The following HOMER1 variants were observed in gnomAD, a reference collection of about 807,000 sequenced individuals.
The protein encoded by HOMER1 is homer protein homolog 1.
Under a neutral mutation model 48.9 loss-of-function variants are expected in HOMER1, and 3 were observed. That is an observed-to-expected ratio of 0.06 (90% CI 0.03 to 0.16). HOMER1 has a LOEUF of 0.16. Among genes scored for constraint, HOMER1 ranks in the 10% least tolerant of loss-of-function variants. The pLI is 1.00. For synonymous variants in HOMER1, 134 were observed against 146.4 expected (o/e 0.92, Z 0.61); for missense variants, 247 against 411.4 (o/e 0.60, Z 3.46).
At chr5:79,491,074 G>GCAAAAAAAA (rs1752259588) in intron 1 of HOMER1, among the ~76,000 whole-genome samples, 1 of 22,562 alleles carries the variant, frequency 4.4e-5, no homozygotes, top group Non-Finnish European at 1.1e-4. Flanking sequence ...TAGTACCAAA[G>GCAAAAAAAA]CAAAAAAAAA....
intron 1 of HOMER1, among the ~76,000 whole-genome samples, chr5:79,481,851 A>G (rs1055377167): frequency 1.3e-5 from 2 of 152,242 alleles, no homozygotes; most frequent in African/African-American, 2.4e-5. Flanking sequence ...ACACAGCTTA[A>G]AAGTAAGCTT....
intron 1 of HOMER1, among the ~76,000 whole-genome samples, chr5:79,458,566 T>A (rs898287998): frequency 3.3e-5 from 5 of 152,206 alleles, no homozygotes; most frequent in African/African-American, 4.8e-5. Context: ...GACTCCTATA[T>A]CCATTTCAAC....
At chr5:79,461,385 C>T (rs1057374816) in intron 1 of HOMER1, among the ~76,000 whole-genome samples, 3 of 152,170 alleles carry the variant, frequency 2.0e-5, no homozygotes, top group South Asian at 2.1e-4. Flanking sequence ...GCTTTCTTTA[C>T]AACAATTCAC....
At chr5:79,477,642 G>A (rs571167430) in intron 1 of HOMER1, among the ~76,000 whole-genome samples, 2 of 152,316 alleles carry the variant, frequency 1.3e-5, no homozygotes, top group African/African-American at 4.8e-5. Context: ...ATTTAAAAAT[G>A]TTCATGTTTG....
intron 2 of HOMER1, among the ~76,000 whole-genome samples, chr5:79,454,442 T>A (rs999035309): frequency 2.6e-5 from 4 of 151,852 alleles, no homozygotes; most frequent in Non-Finnish European, 5.9e-5. Context: ...AATTCAAGGT[T>A]CAAATAAGGG....
intron 1 of HOMER1, among the ~76,000 whole-genome samples, chr5:79,476,902 T>C (rs1436309493): frequency 6.6e-6 from 1 of 152,238 alleles, no homozygotes; most frequent in African/African-American, 2.4e-5. Flanking sequence ...CAACGAGGCC[T>C]GTCTCTTCAG....
chr5:79,460,319 C>T (rs1415089042), intron 1 of HOMER1, among the ~76,000 whole-genome samples: 1 of 152,126 alleles, frequency 6.6e-6, no homozygotes, highest in East Asian at 1.9e-4. Context: ...TGGTGGTGCA[C>T]ACCTGTAGTC....
chr5:79,397,169 G>A (rs1337954505), intron 7 of HOMER1, among the ~76,000 whole-genome samples: 1 of 152,096 alleles, frequency 6.6e-6, no homozygotes, highest in African/African-American at 2.4e-5. Flanking sequence ...GTTGCTTCAA[G>A]CTTTGTGGAT....
intron 1 of HOMER1, among the ~76,000 whole-genome samples, chr5:79,476,494 G>C (rs535436693): frequency 1.3e-5 from 2 of 152,302 alleles, no homozygotes; most frequent in East Asian, 3.9e-4. Flanking sequence ...CCCGTTGCCA[G>C]TCTGGGTCTC....
intron 5 of HOMER1, among the ~76,000 whole-genome samples, chr5:79,422,852 G>GCCAAAAAAAAAAAAAAAAAAAGAGA (rs1750140068): frequency 7.7e-6 from 1 of 129,344 alleles, no homozygotes; most frequent in Non-Finnish European, 1.6e-5. Context: ...TTTTTGGCTA[G>GCCAAAAAAAAAAAAAAAAAAAGAGA]TCAAGTAAAA....
chr5:79,381,243 G>T (rs546858315), intron 8 of HOMER1, among the ~76,000 whole-genome samples: 14 of 152,294 alleles, frequency 9.2e-5, no homozygotes, highest in Admixed American at 7.2e-4. Context: ...TACTATTGAT[G>T]CTATTTACAG....
intron 1 of HOMER1, among the ~76,000 whole-genome samples, chr5:79,495,087 A>G (rs1449327075): frequency 6.6e-6 from 1 of 152,186 alleles, no homozygotes; most frequent in East Asian, 1.9e-4. Flanking sequence ...TAACACAAAG[A>G]ATACATGTAA....
rs1243114347 is a variant in HOMER1, at chr5:79,451,107, A to G, written c.177T>C (p.Ser59=). Residue 59 remains serine, a synonymous_variant, in exon 3 of 9, where the codon AGT becomes AGC. Transcript: ENST00000334082. ...TAAATGTCATGTTTGGGGTGATGGT[A>G]CTATTTATTATTGCCTAAAAAATAA... is the stretch of plus-strand genomic sequence containing the variant. ...SLDGSKAIIN[S]TITPNMTFTK... 4 of 1,613,370 alleles carry G rather than the reference A, an allele frequency of 2.5e-6. No homozygotes were observed. Among genetic ancestry groups the G allele is most frequent in the Non-Finnish European group, 3.4e-6 (4 of 1,179,506 alleles).
chr5:79,430,950 T>A (rs1400422282), intron 5 of HOMER1, among the ~76,000 whole-genome samples: 1 of 151,048 alleles, frequency 6.6e-6, no homozygotes, highest in Non-Finnish European at 1.5e-5. Context: ...AAAAAATAAA[T>A]AAAACATGGT....
chr5:79,419,869 T>C (rs1347574055), intron 5 of HOMER1, among the ~76,000 whole-genome samples: 1 of 142,938 alleles, frequency 7.0e-6, no homozygotes, highest in East Asian at 2.4e-4. Context: ...AACACGGAAG[T>C]ACCTCTTCCT....
At chr5:79,405,237 C>T (rs537292069) in intron 5 of HOMER1, among the ~76,000 whole-genome samples, 1 of 152,162 alleles carries the variant, frequency 6.6e-6, no homozygotes, top group Admixed American at 6.5e-5. Flanking sequence ...TAAAAAGAGA[C>T]GACAGCCATC....
At chr5:79,436,514 C>G (rs1750589200) in intron 5 of HOMER1, among the ~76,000 whole-genome samples, 1 of 152,248 alleles carries the variant, frequency 6.6e-6, no homozygotes, top group South Asian at 2.1e-4. Context: ...ATGCCAAAGG[C>G]ACACACTTTC....
intron 1 of HOMER1, among the ~76,000 whole-genome samples, chr5:79,459,132 T>C (rs1297894844): frequency 1.3e-5 from 2 of 151,992 alleles, no homozygotes; most frequent in Non-Finnish European, 2.9e-5. Flanking sequence ...TTGGTAGGGG[T>C]TAAGTTTCCT....
At chr5:79,468,765 A>C (rs1751543324) in intron 1 of HOMER1, among the ~76,000 whole-genome samples, 2 of 152,192 alleles carry the variant, frequency 1.3e-5, no homozygotes. Context: ...AGGTCACAGC[A>C]CCTGTACCAA....
Sources: allele counts gnomAD v4.1 joint callset (sites outside exome capture counted in the v4.1 genomes callset), GRCh38; gene constraint gnomAD v4.1.1; transcripts MANE v1.5; gene names NCBI Gene and HGNC (gene_info 2026-07-23, HGNC 2026-07-21).